The following PRSS12 variants were observed in gnomAD, a reference collection of about 807,000 sequenced individuals.
The protein encoded by PRSS12 is serine protease 12.
In PRSS12, 85 loss-of-function variants were observed where a neutral mutation model predicts 104.4. The observed-to-expected ratio is 0.81, with a 90% CI of 0.68 to 0.98. The LOEUF (loss-of-function observed/expected upper bound fraction) is 0.98. Among genes scored for constraint, PRSS12 ranks in the 50% least tolerant of loss-of-function variants. PRSS12 has a pLI of 0.00. For missense variants in PRSS12, 1,141 were observed against 1,139.2 expected, an observed-to-expected ratio of 1.00 and a Z score of -0.02; for synonymous variants, 454 against 425.2, an observed-to-expected ratio of 1.07 and a Z score of -0.83.
chr4:118,316,337 G>A lies in PRSS12; in HGVS notation c.1151-14C>T, dbSNP rs1743911090. The A allele has an allele frequency of 6.2e-7, 1 of 1,613,764 alleles. No homozygotes were observed. ...TGATGACCCCATCTGTGATAAAGAG[G>A]AGACACAGAGACTAAGCAAATCAAC... is the stretch of plus-strand genomic sequence containing the variant. On this transcript the variant is annotated splice_polypyrimidine_tract_variant and intron_variant, in intron 5 of 12. Transcript: ENST00000296498.
chr4:118,294,939 C>G lies in PRSS12; in HGVS notation c.2039G>C (p.Arg680Thr), dbSNP rs201706327. The change falls in exon 11 of 13, where the codon AGG becomes ACG. Residue 680 changes from arginine (R) to threonine (T), a missense_variant and splice_region_variant. Coordinates refer to ENST00000296498, the MANE Select transcript of PRSS12 (RefSeq NM_003619.4). ...GTTGTTTGGGAAGGTGGACACATAC[C>G]TCTTGAAACAGTGTGCTGCTGTGAG... ...WVLTAAHCFK[R>T]YGNSTRSYAV... 3.1e-6 allele frequency: 5 copies of G among 1,613,874 alleles called. No individual in the cohort carries two copies. The highest frequency in any genetic ancestry group is 3.4e-6 in the Non-Finnish European group (4 of 1,179,984).
intron 1 of PRSS12, among the ~76,000 whole-genome samples, chr4:118,340,110 A>G (rs751151016): frequency 6.6e-6 from 1 of 152,204 alleles, no homozygotes; most frequent in Non-Finnish European, 1.5e-5. Context: ...TGATTGAGGC[A>G]CTTAGAGGTG....
At chr4:118,306,325 A>G (rs1185279087) in intron 8 of PRSS12, among the ~76,000 whole-genome samples, 2 of 152,212 alleles carry the variant, frequency 1.3e-5, no homozygotes. Flanking sequence ...TGATTGTGTT[A>G]GGCCATTCTT....
At chr4:118,336,360 G>C (rs531024584) in intron 2 of PRSS12, among the ~76,000 whole-genome samples, 5 of 150,384 alleles carry the variant, frequency 3.3e-5, no homozygotes, top group Admixed American at 1.4e-4. Flanking sequence ...ACATATTTTT[G>C]TAAGTAACCT....
At chr4:118,305,957 A>T (rs554098396) in intron 8 of PRSS12, 1 of 152,224 alleles carries the variant, frequency 6.6e-6, no homozygotes, top group African/African-American at 2.4e-5. Context: ...CATTTTCTTC[A>T]TCCATTCATT....
At chr4:118,300,172 G>C (rs1007951513) in intron 8 of PRSS12, among the ~76,000 whole-genome samples, 1 of 151,770 alleles carries the variant, frequency 6.6e-6, no homozygotes, top group Non-Finnish European at 1.5e-5. Context: ...CACCATGCCT[G>C]GCTAATTTGT....
chr4:118,330,880 T>C (rs1479421722), intron 4 of PRSS12, among the ~76,000 whole-genome samples: 2 of 152,144 alleles, frequency 1.3e-5, no homozygotes, highest in Non-Finnish European at 2.9e-5. Context: ...AATTGAACTG[T>C]AAAAATTGTT....
rs769160203 is a variant in PRSS12 at position 118,352,197 on chromosome 4, C to T, written c.502+22G>A. 162 of 1,610,212 alleles carry T rather than the reference C, an allele frequency of 1.0e-4. 2 individuals carry two copies. The Middle Eastern group carries it at 2.0e-3, about 20-fold the overall frequency. On this transcript the variant is annotated intron_variant, in intron 1 of 12. Coordinates refer to ENST00000296498, the MANE Select transcript of PRSS12 (RefSeq NM_003619.4). ...GCTCCGAGCCCGTCCGGAGTTTCCG[C>T]GGCCGCCCCGAGGCCACTAACCGTG...
At chr4:118,336,873 T>C (rs1393174454) in intron 2 of PRSS12, among the ~76,000 whole-genome samples, 1 of 152,216 alleles carries the variant, frequency 6.6e-6, no homozygotes, top group African/African-American at 2.4e-5. Context: ...TCATCATTCT[T>C]TGTGACCTGC....
rs1033993810 is a variant in PRSS12, at chr4:118,352,371, G to C, written c.350C>G (p.Pro117Arg). The C allele has an allele frequency of 1.3e-6, 2 of 1,560,002 alleles. No homozygotes were observed. The highest frequency in any genetic ancestry group is 1.7e-4 in the Middle Eastern group (1 of 5,956). Residue 117 changes from proline to arginine, a missense_variant, in exon 1 of 13, where the codon CCC becomes CGC. Coordinates refer to ENST00000296498, the MANE Select transcript of PRSS12 (RefSeq NM_003619.4). ...CGCTGGGGGCGACCGCTCCAGGAAG[G>C]GTGGCACCTCCGCCCACCGCAGACA... ...APCLRWAEVP[P>R]FLERSPPASW...
At chr4:118,291,081 C>T (rs1348171842) in intron 11 of PRSS12, among the ~76,000 whole-genome samples, 2 of 151,532 alleles carry the variant, frequency 1.3e-5, no homozygotes, top group East Asian at 1.9e-4. Context: ...TTTGCCTTAC[C>T]CCCTCAGATA....
In PRSS12 at chr4:118,318,440, G is replaced by A. The variant is rs201335116; in HGVS notation, c.1088C>T (p.Ser363Phe). 9 of 1,614,064 alleles carry A rather than the reference G, an allele frequency of 5.6e-6. No individual in the cohort carries two copies. The African/African-American group carries it at 1.2e-4, about 22-fold the overall frequency. The change falls in exon 5 of 13, where the codon TCC becomes TTC. Residue 363 changes from serine (S) to phenylalanine (F), a missense_variant. By Grantham distance (155) the Ser-to-Phe change is radical. Coordinates refer to ENST00000296498, the MANE Select transcript of PRSS12 (RefSeq NM_003619.4). ...ELSIEQCPKS[S>F]WGEHNCGHKE... ...ATGGCCACAGTTATGCTCTCCCCAG[G>A]AGCTCTTTGGACACTGCTCAATTGA...
chr4:118,319,162 C>A (rs1473628302), intron 4 of PRSS12, among the ~76,000 whole-genome samples: 1 of 152,076 alleles, frequency 6.6e-6, no homozygotes, highest in African/African-American at 2.4e-5. Context: ...TAGGCTTGAG[C>A]AATCCTCTCA....
intron 11 of PRSS12, among the ~76,000 whole-genome samples, chr4:118,287,845 AG>A (rs968403447): frequency 6.6e-6 from 1 of 152,232 alleles, no homozygotes; most frequent in African/African-American, 2.4e-5. Flanking sequence ...CAAACATTTC[AG>A]GTTTTGGCTG....
At chr4:118,337,456 G>A (rs970372948) in intron 2 of PRSS12, among the ~76,000 whole-genome samples, 2 of 152,210 alleles carry the variant, frequency 1.3e-5, no homozygotes, top group African/African-American at 4.8e-5. Context: ...ATGGCACAAG[G>A]AATAAAGATG....
Position 118,352,998 on chromosome 4 carries a change from C to T in PRSS12, c.-278G>A. 1 of 723,138 alleles carries T rather than the reference C, an allele frequency of 1.4e-6. No individual in the cohort carries two copies. The highest frequency in any genetic ancestry group is 2.0e-6 in the Non-Finnish European group (1 of 509,318). 44.8% of individuals were successfully genotyped at this position (723,138 alleles called of 1,614,324 possible). On this transcript the variant is annotated 5_prime_UTR_variant, in exon 1 of 13. Coordinates refer to ENST00000296498, the MANE Select transcript of PRSS12 (RefSeq NM_003619.4). Reference sequence around the variant, plus strand: ...AGGACCGGAAAAGAGAAGGCGCGGACGCAGCGGGGAGCGGTTGGGCCTGAG... The same window carrying T: ...AGGACCGGAAAAGAGAAGGCGCGGATGCAGCGGGGAGCGGTTGGGCCTGAG...
At chr4:118,317,583 T>C (rs1723478221) in intron 5 of PRSS12, among the ~76,000 whole-genome samples, 1 of 152,208 alleles carries the variant, frequency 6.6e-6, no homozygotes, top group African/African-American at 2.4e-5. Flanking sequence ...AATGAAGTGC[T>C]CTGGCTAAAA....
chr4:118,322,423 G>GT (rs778789919), intron 4 of PRSS12, among the ~76,000 whole-genome samples: 14 of 152,014 alleles, frequency 9.2e-5, no homozygotes, highest in Non-Finnish European at 1.6e-4. Flanking sequence ...GGTGGTGTCT[G>GT]TAATCCCTGC....
chr4:118,320,148 A>T (rs1283804655), intron 4 of PRSS12, among the ~76,000 whole-genome samples: 2 of 152,144 alleles, frequency 1.3e-5, no homozygotes, highest in Middle Eastern at 3.2e-3. Context: ...AGTCCCTTTT[A>T]GGCTTTTAAT....
Sources: gnomAD v4.1 joint callset for allele counts (sites outside exome capture counted in the v4.1 genomes callset) on GRCh38, gnomAD v4.1.1 for gene constraint, MANE v1.5 for transcripts, NCBI Gene and HGNC (gene_info 2026-07-23, HGNC 2026-07-21) for gene names.